The following TIAM1 variants were observed in gnomAD, a reference collection of about 807,000 sequenced individuals.
The protein encoded by TIAM1 is rho guanine nucleotide exchange factor TIAM1.
A neutral mutation model predicts 163.5 loss-of-function variants in TIAM1; 65 were observed. The ratio of observed to expected loss-of-function variants is 0.40; its 90% CI spans 0.33 to 0.49. The LOEUF is 0.49. TIAM1 is among the 20% of genes least tolerant of loss of function. The pLI is 0.77. For synonymous variants in TIAM1, 833 were observed against 810.1 expected (o/e 1.03, Z -0.48); for missense variants, 1,789 against 2,044.7 (o/e 0.87, Z 2.41).
At chr21:31,224,290 A>G (rs769810287) in intron 7 of TIAM1, among the ~76,000 whole-genome samples, 2 of 152,234 alleles carry the variant, frequency 1.3e-5, no homozygotes, top group African/African-American at 4.8e-5. Context: ...AACAAAATAT[A>G]TATCACTGTA....
At chr21:31,247,857 C>T (rs1015023842) in intron 5 of TIAM1, among the ~76,000 whole-genome samples, 7 of 152,154 alleles carry the variant, frequency 4.6e-5, no homozygotes, top group African/African-American at 1.7e-4. Flanking sequence ...TCTGTACCTC[C>T]TATTTCCATG....
intron 2 of TIAM1, among the ~76,000 whole-genome samples, chr21:31,333,275 T>A (rs1250763305): frequency 1.3e-5 from 2 of 152,038 alleles, no homozygotes; most frequent in African/African-American, 4.8e-5. Flanking sequence ...TCCAACTCCG[T>A]TTTTTTCAGC....
chr21:31,437,797 C>T (rs1234608308), intron 2 of TIAM1, among the ~76,000 whole-genome samples: 1 of 152,174 alleles, frequency 6.6e-6, no homozygotes, highest in Non-Finnish European at 1.5e-5. Flanking sequence ...CCCGAGATCC[C>T]CCAGCCATGC....
chr21:31,464,843 G>A (rs915630701), intron 1 of TIAM1, among the ~76,000 whole-genome samples: 2 of 93,492 alleles, frequency 2.1e-5, no homozygotes, highest in African/African-American at 4.6e-5. Context: ...CTTCCGTCTC[G>A]GGAAAAAAAA....
intron 1 of TIAM1, among the ~76,000 whole-genome samples, chr21:31,472,758 A>G (rs555651284): frequency 1.3e-5 from 2 of 152,226 alleles, no homozygotes; most frequent in Non-Finnish European, 2.9e-5. Flanking sequence ...CACATTTCAC[A>G]TAGATTTTCT....
chr21:31,390,004 T>C (rs2076941485), intron 2 of TIAM1, among the ~76,000 whole-genome samples: 2 of 152,316 alleles, frequency 1.3e-5, no homozygotes, highest in South Asian at 4.2e-4. Context: ...CTTTTCAGTA[T>C]GGCTTCCTCA....
chr21:31,527,858 C>A (rs1210336587), intron 1 of TIAM1, among the ~76,000 whole-genome samples: 1 of 152,168 alleles, frequency 6.6e-6, no homozygotes, highest in Non-Finnish European at 1.5e-5. Context: ...GTCCCCTGAT[C>A]AAGCCCATCA....
chr21:31,224,735 T>A (rs1186825466), intron 7 of TIAM1, among the ~76,000 whole-genome samples: 1 of 152,100 alleles, frequency 6.6e-6, no homozygotes, highest in Non-Finnish European at 1.5e-5. Context: ...TTTAAAAAAA[T>A]ACAATGTCAG....
intron 10 of TIAM1, among the ~76,000 whole-genome samples, chr21:31,212,332 C>A (rs2086925945): frequency 6.6e-6 from 1 of 152,090 alleles, no homozygotes; most frequent in Non-Finnish European, 1.5e-5. Flanking sequence ...TGCATGGCAA[C>A]TGAGGGCTGA....
intron 2 of TIAM1, among the ~76,000 whole-genome samples, chr21:31,436,310 C>T (rs2044206420): frequency 6.6e-6 from 1 of 152,212 alleles, no homozygotes; most frequent in Non-Finnish European, 1.5e-5. Context: ...AAGCAAAGGA[C>T]TCTTGTTCCC....
At chr21:31,362,794 C>A (rs2076429730) in intron 2 of TIAM1, among the ~76,000 whole-genome samples, 1 of 152,010 alleles carries the variant, frequency 6.6e-6, no homozygotes, top group African/African-American at 2.4e-5. Flanking sequence ...CAATGCTAGT[C>A]CATCACCCCT....
At chr21:31,199,432 C>G (rs1421273227) in intron 12 of TIAM1, among the ~76,000 whole-genome samples, 1 of 152,016 alleles carries the variant, frequency 6.6e-6, no homozygotes, top group Admixed American at 6.6e-5. Context: ...CTTTCGTGCC[C>G]TCTCCGCCAA....
intron 2 of TIAM1, among the ~76,000 whole-genome samples, chr21:31,312,852 AG>A (rs1441846448): frequency 5.9e-5 from 9 of 152,220 alleles, no homozygotes; most frequent in Non-Finnish European, 1.3e-4. Context: ...AATGACGGGA[AG>A]AAAAGAAAAA....
At chr21:31,296,695 G>A (rs1032725270) in intron 2 of TIAM1, among the ~76,000 whole-genome samples, 2 of 151,372 alleles carry the variant, frequency 1.3e-5, no homozygotes, top group African/African-American at 4.9e-5. Flanking sequence ...ACAGAGTCTC[G>A]CTCTGTCACC....
Position 31,354,285 on chromosome 21 carries a change from T to C in TIAM1, c.-368-14863A>G, listed in dbSNP as rs79615884. Among the ~76,000 whole-genome samples, 1,254 of 152,214 alleles carry C rather than the reference T, an allele frequency of 8.2e-3. 11 individuals carry two copies. The highest frequency in any genetic ancestry group is 0.029 in the African/African-American group (1,184 of 41,540). ...ACAAATGTGGCAGGCAAGCAACATA[T>C]TTTAGGGTTTGTCATGAAGCTCCTG... On this transcript the variant is annotated intron_variant, in intron 2 of 28. Transcript: ENST00000286827.
At chr21:31,446,061 C>T (rs984793632) in intron 2 of TIAM1, among the ~76,000 whole-genome samples, 26 of 152,128 alleles carry the variant, frequency 1.7e-4, no homozygotes, top group African/African-American at 5.6e-4. Context: ...CTGCCTCAGC[C>T]TCCCAAGTAG....
upstream of TIAM1, among the ~76,000 whole-genome samples, chr21:31,348,818 T>C (rs1001578825): frequency 2.6e-5 from 4 of 151,146 alleles, no homozygotes; most frequent in African/African-American, 9.9e-5. Context: ...AAACACAGTC[T>C]TCATTAAATT....
At chr21:31,298,448 G>A (rs564096084) in intron 2 of TIAM1, among the ~76,000 whole-genome samples, 1 of 152,302 alleles carries the variant, frequency 6.6e-6, no homozygotes, top group Admixed American at 6.5e-5. Context: ...AATGAAATGT[G>A]CTCAGTTCTA....
rs1481408954 is a variant in TIAM1 at position 31,119,220 on chromosome 21, G to GA, written c.*1147dup. The GA allele has an allele frequency of 6.6e-6, 1 of 152,570 alleles. No individual in the cohort carries two copies. Among genetic ancestry groups the GA allele is most frequent in the African/African-American group, 2.4e-5 (1 of 41,396 alleles). 9.5% of individuals were successfully genotyped at this position (152,570 alleles called of 1,614,324 possible). On this transcript the variant is annotated 3_prime_UTR_variant, in exon 28 of 28. Transcript: ENST00000541036. ...GTTTACCCTGTTTCGTTGGCATGAA[G>GA]AAAGTGTTAAACACAAGAGAAGTTT...
Sources: allele counts gnomAD v4.1 joint callset (sites outside exome capture counted in the v4.1 genomes callset), GRCh38; gene constraint gnomAD v4.1.1; transcripts MANE v1.5; gene names NCBI Gene and HGNC (gene_info 2026-07-23, HGNC 2026-07-21).